CDH8: variants seen among roughly 807,000 people sequenced by gnomAD.
The protein encoded by CDH8 is cadherin-8.
CDH8 carries 17 observed loss-of-function variants against 68.1 expected under a neutral mutation model. The observed-to-expected ratio is 0.25, with a 90% CI of 0.17 to 0.37. The LOEUF is 0.37. Ranked by LOEUF, CDH8 falls within the 10% of genes least tolerant of loss-of-function variation. The pLI, the probability that CDH8 is intolerant of heterozygous loss-of-function variation, is 1.00. For synonymous variants in CDH8, 372 were observed against 365.1 expected, an observed-to-expected ratio of 1.02 and a Z score of -0.21; for missense variants, 763 against 999.3, an observed-to-expected ratio of 0.76 and a Z score of 3.19.
At chr16:61,920,496 T>C (rs1334841883) in intron 2 of CDH8, among the ~76,000 whole-genome samples, 1 of 138,780 alleles carries the variant, frequency 7.2e-6, no homozygotes, top group Non-Finnish European at 1.6e-5. Context: ...AAAAAACACA[T>C]GAAAAAATGC....
intron 2 of CDH8, among the ~76,000 whole-genome samples, chr16:61,958,831 C>T (rs961303774): frequency 2.6e-5 from 4 of 152,156 alleles, no homozygotes; most frequent in Non-Finnish European, 5.9e-5. Context: ...CAATTTCCTT[C>T]TCTACTCAAG....
At chr16:61,692,462 C>A (rs1964245172) in intron 10 of CDH8, 1 of 151,946 alleles carries the variant, frequency 6.6e-6, no homozygotes, top group Non-Finnish European at 1.5e-5. Flanking sequence ...ACTGCTGGAG[C>A]TTTTCTACAC....
intron 2 of CDH8, among the ~76,000 whole-genome samples, chr16:61,903,025 A>T (rs1193453394): frequency 2.0e-5 from 3 of 152,324 alleles, no homozygotes; most frequent in Admixed American, 6.5e-5. Context: ...TATTAAAAAA[A>T]TTTGAATAAT....
At chr16:61,989,017 C>T (rs1965673238) in intron 2 of CDH8, among the ~76,000 whole-genome samples, 1 of 152,062 alleles carries the variant, frequency 6.6e-6, no homozygotes, top group Admixed American at 6.6e-5. Context: ...TTCCTAAAAA[C>T]ACAGTAGTAA....
chr16:61,797,260 T>C (rs1961521400), intron 7 of CDH8, among the ~76,000 whole-genome samples: 1 of 152,058 alleles, frequency 6.6e-6, no homozygotes, highest in Non-Finnish European at 1.5e-5. Context: ...TCTGTGACAA[T>C]ATACATGCAG....
At chr16:61,703,071 A>C (rs1452900092) in intron 10 of CDH8, among the ~76,000 whole-genome samples, 2 of 152,140 alleles carry the variant, frequency 1.3e-5, no homozygotes, top group Non-Finnish European at 2.9e-5. Context: ...TAATTACAAA[A>C]CTCCCAAATA....
chr16:61,994,869 G>C (rs1308903973), intron 2 of CDH8, among the ~76,000 whole-genome samples: 1 of 152,138 alleles, frequency 6.6e-6, no homozygotes, highest in Admixed American at 6.6e-5. Context: ...CTTCACGTTA[G>C]AATCACTTAT....
Position 62,031,218 on chromosome 16 carries a change from T to C in CDH8, c.-200+4862A>G, listed in dbSNP as rs139997198. On this transcript the variant is annotated intron_variant, in intron 1 of 11. Coordinates refer to ENST00000577390, the MANE Select transcript of CDH8 (RefSeq NM_001796.5). ...AATTATGTCATTTTTTATATTCCCA[T>C]ATCATTTAAAAGATGATTGTGAGAG... is the stretch of plus-strand genomic sequence containing the variant. 3.3e-3 allele frequency among the ~76,000 whole-genome samples: 500 copies of C among 152,292 alleles called. 3 individuals are homozygous for C. Among genetic ancestry groups the C allele is most frequent in the African/African-American group, 8.9e-3 (368 of 41,562 alleles).
chr16:61,927,701 C>T (rs776782783), intron 2 of CDH8, among the ~76,000 whole-genome samples: 12 of 152,238 alleles, frequency 7.9e-5, no homozygotes, highest in African/African-American at 2.6e-4. Context: ...ACCTAATGGC[C>T]CAGGCATCGT....
At chr16:61,916,690 G>A (rs1964244125) in intron 2 of CDH8, among the ~76,000 whole-genome samples, 1 of 152,144 alleles carries the variant, frequency 6.6e-6, no homozygotes, top group African/African-American at 2.4e-5. Context: ...GATACTAATA[G>A]ATATGGAAAG....
intron 1 of CDH8, among the ~76,000 whole-genome samples, chr16:62,033,124 G>A (rs536172963): frequency 1.3e-5 from 2 of 152,314 alleles, no homozygotes; most frequent in African/African-American, 4.8e-5. Context: ...ATTCACATCA[G>A]TCTTTACAAA....
At chr16:61,878,071 A>G (rs1963496007) in intron 3 of CDH8, among the ~76,000 whole-genome samples, 2 of 152,290 alleles carry the variant, frequency 1.3e-5, no homozygotes, top group Middle Eastern at 3.4e-3. Flanking sequence ...CAAATATTAG[A>G]AGAGTTTGAA....
intron 10 of CDH8, among the ~76,000 whole-genome samples, chr16:61,702,288 C>T (rs888407316): frequency 6.6e-6 from 1 of 151,900 alleles, no homozygotes; most frequent in South Asian, 2.1e-4. Flanking sequence ...AGGAGAATGG[C>T]GTGAGCCCGG....
chr16:61,828,491 G>A (rs549945078), intron 4 of CDH8, among the ~76,000 whole-genome samples: 1 of 151,476 alleles, frequency 6.6e-6, no homozygotes, highest in African/African-American at 2.4e-5. Context: ...GGTAACAATA[G>A]TATCTACACA....
At chr16:61,998,198 T>C (rs1190182622) in intron 2 of CDH8, among the ~76,000 whole-genome samples, 1 of 152,190 alleles carries the variant, frequency 6.6e-6, no homozygotes, top group Admixed American at 6.5e-5. Flanking sequence ...ATAAAATGAA[T>C]GAAGCAAAAT....
At chr16:61,735,489 T>G (rs2142911773) in intron 8 of CDH8, among the ~76,000 whole-genome samples, 1 of 152,258 alleles carries the variant, frequency 6.6e-6, no homozygotes, top group South Asian at 2.1e-4. Context: ...AAATGCCTTT[T>G]GTCATTCATT....
At chr16:61,659,308 T>A (rs527910541) in intron 10 of CDH8, among the ~76,000 whole-genome samples, 1 of 152,150 alleles carries the variant, frequency 6.6e-6, no homozygotes, top group Admixed American at 6.5e-5. Flanking sequence ...CTCTGGTGCA[T>A]GAACAAGAAC....
chr16:61,748,625 G>A (rs1172759254), intron 8 of CDH8, among the ~76,000 whole-genome samples: 1 of 151,920 alleles, frequency 6.6e-6, no homozygotes, highest in East Asian at 1.9e-4. Flanking sequence ...CCTTCTAAAT[G>A]TCGTTTCTCC....
chr16:61,841,528 A>AG (rs1962683286), intron 4 of CDH8, among the ~76,000 whole-genome samples: 1 of 152,176 alleles, frequency 6.6e-6, no homozygotes, highest in African/African-American at 2.4e-5. Context: ...AAAGGTAGTA[A>AG]GGGGCTGGGG....
Sources: gnomAD v4.1 joint callset for allele counts (sites outside exome capture counted in the v4.1 genomes callset) on GRCh38, gnomAD v4.1.1 for gene constraint, MANE v1.5 for transcripts, NCBI Gene and HGNC (gene_info 2026-07-23, HGNC 2026-07-21) for gene names.